The following F13A1 variants were observed in gnomAD, a reference collection of about 807,000 sequenced individuals.
F13A1 encodes coagulation factor XIII A chain.
In F13A1, 47 loss-of-function variants were observed where a neutral mutation model predicts 80.1. The observed-to-expected ratio is 0.59, with a 90% CI of 0.46 to 0.75. The LOEUF is 0.75. F13A1 is among the 30% of genes least tolerant of loss of function. The probability of loss-of-function intolerance (pLI) is 0.00; values close to 1 mark genes in which losing one functional copy is unlikely to be tolerated. For missense variants in F13A1, 817 were observed against 930.4 expected (o/e 0.88, Z 1.59); for synonymous variants, 349 against 344.9 (o/e 1.01, Z -0.13).
chr6:6,155,744 A>T (rs1760463175), intron 13 of F13A1, among the ~76,000 whole-genome samples: 1 of 152,160 alleles, frequency 6.6e-6, no homozygotes, highest in Non-Finnish European at 1.5e-5. Context: ...TTTTCACGTT[A>T]TGTGTTGATT....
intron 12 of F13A1, among the ~76,000 whole-genome samples, chr6:6,171,429 C>T (rs1250604360): frequency 6.6e-6 from 1 of 152,176 alleles, no homozygotes; most frequent in African/African-American, 2.4e-5. Flanking sequence ...CATTTGGCTT[C>T]CTCCATACCT....
chr6:6,162,000 G>A (rs980587804), intron 13 of F13A1, among the ~76,000 whole-genome samples: 3 of 152,108 alleles, frequency 2.0e-5, no homozygotes, highest in Non-Finnish European at 4.4e-5. Context: ...GGAAACTCCA[G>A]TTCCAAGGCT....
At chr6:6,285,536 A>C (rs1420784333) in intron 3 of F13A1, among the ~76,000 whole-genome samples, 1 of 152,220 alleles carries the variant, frequency 6.6e-6, no homozygotes, top group Non-Finnish European at 1.5e-5. Flanking sequence ...CAGCTTCCTG[A>C]AGGCTAAAGA....
Position 6,270,036 on chromosome 6 carries a change from A to G in F13A1, c.320-3227T>C, listed in dbSNP as rs139046259. 7.0e-3 allele frequency among the ~76,000 whole-genome samples: 1,059 copies of G among 152,204 alleles called. 12 individuals are homozygous for G. Among genetic ancestry groups the G allele is most frequent in the African/African-American group, 0.024 (998 of 41,534 alleles). On this transcript the variant is annotated intron_variant, in intron 3 of 14. Transcript: ENST00000264870. ...CTACCTACTGTTTATATAAAGTTTA[A>G]TTGGAACACAGTTATGTTGATTTGC...
rs535166466 is a variant in F13A1, at chr6:6,257,940, T to A, written c.572-7011A>T. ...ATATCCTCTAAGGGAGCCTGTGCCC[T>A]TGTTGGTATGCTTTAATTTTTTTTC... is the stretch of plus-strand genomic sequence containing the variant. On this transcript the variant is annotated intron_variant, in intron 4 of 14. Transcript: ENST00000264870. Among the ~76,000 whole-genome samples, 3 of 152,344 alleles carry A rather than the reference T, an allele frequency of 2.0e-5. No homozygotes were observed. The East Asian group carries it at 5.8e-4, about 29-fold the overall frequency.
intron 10 of F13A1, among the ~76,000 whole-genome samples, chr6:6,184,015 G>T (rs572992144): frequency 6.6e-6 from 1 of 152,224 alleles, no homozygotes; most frequent in Non-Finnish European, 1.5e-5. Context: ...TTTTAAAGTT[G>T]AGGTTAAAGA....
At chr6:6,247,050 G>A (rs1757562977) in intron 6 of F13A1, among the ~76,000 whole-genome samples, 1 of 152,078 alleles carries the variant, frequency 6.6e-6, no homozygotes, top group Non-Finnish European at 1.5e-5. Flanking sequence ...CCAAATCTTT[G>A]GAATTCATTG....
chr6:6,320,119 G>C (rs1758753168), intron 1 of F13A1, among the ~76,000 whole-genome samples: 1 of 152,174 alleles, frequency 6.6e-6, no homozygotes, highest in South Asian at 2.1e-4. Flanking sequence ...AGGAGGAGAA[G>C]TGGCTCGAGT....
chr6:6,293,496 C>T (rs1269001749), intron 3 of F13A1, among the ~76,000 whole-genome samples: 2 of 151,828 alleles, frequency 1.3e-5, no homozygotes, highest in Non-Finnish European at 2.9e-5. Flanking sequence ...CAGCCACACC[C>T]ACCTCCTCAG....
chr6:6,227,897 T>C (rs73359901), intron 6 of F13A1, among the ~76,000 whole-genome samples: 3,985 of 152,312 alleles, frequency 0.026, 157 homozygotes, highest in African/African-American at 0.091. Context: ...TATTAGCATT[T>C]GGGCAGATTA....
intron 11 of F13A1, among the ~76,000 whole-genome samples, chr6:6,179,917 C>T (rs755502643): frequency 9.2e-5 from 14 of 152,146 alleles, no homozygotes; most frequent in South Asian, 2.1e-4. Context: ...ACTCCTGTTT[C>T]GTGGACTGGG....
intron 14 of F13A1, among the ~76,000 whole-genome samples, chr6:6,151,218 C>T (rs990359029): frequency 1.3e-5 from 2 of 152,030 alleles, no homozygotes; most frequent in Non-Finnish European, 2.9e-5. Context: ...ATTACAGAAC[C>T]TGGGGTTGTC....
intron 6 of F13A1, among the ~76,000 whole-genome samples, chr6:6,230,697 C>T (rs1340779009): frequency 6.6e-6 from 1 of 152,194 alleles, no homozygotes; most frequent in South Asian, 2.1e-4. Context: ...ATTGTACCCC[C>T]TGCCACCTCC....
intron 8 of F13A1, among the ~76,000 whole-genome samples, chr6:6,212,708 G>A (rs146745159): frequency 0.021 from 3,140 of 152,288 alleles, 102 homozygotes; most frequent in African/African-American, 0.07. Context: ...AGAGAAGAAG[G>A]CTTCAGACAA....
In F13A1 at chr6:6,167,508, G is replaced by T. The variant is rs779898586; in HGVS notation, c.1858C>A (p.Leu620Met). 1.2e-6 allele frequency: 2 copies of T among 1,614,056 alleles called. No homozygotes were observed. Among genetic ancestry groups the T allele is most frequent in the Admixed American group, 1.7e-5 (1 of 60,012 alleles). The change falls in exon 13 of 15, where the codon CTG becomes ATG. Residue 620 changes from leucine (L) to methionine (M), a missense_variant. By Grantham distance (15) the Leu-to-Met change is conservative. Coordinates refer to ENST00000264870, the MANE Select transcript of F13A1 (RefSeq NM_000129.4). ...TARINETRDV[L>M]AKQKSTVLTI... ...AGCACGGTGGACTTTTGCTTGGCCAGAACATCCCTGGTCTCATTGATGCGA... is the reference window on the plus strand; with the variant it reads ...AGCACGGTGGACTTTTGCTTGGCCATAACATCCCTGGTCTCATTGATGCGA...
At chr6:6,224,898 C>A (rs1466456736) in intron 6 of F13A1, 38 bp from the exon 7 acceptor site, 2 of 1,612,338 alleles carry the variant, frequency 1.2e-6, no homozygotes, top group Admixed American at 3.3e-5. Flanking sequence ...GAAGAAAGTT[C>A]ATTTAGGTTT....
At chr6:6,166,988 A>G (rs1215057758) in intron 13 of F13A1, among the ~76,000 whole-genome samples, 2 of 152,192 alleles carry the variant, frequency 1.3e-5, no homozygotes, top group Non-Finnish European at 2.9e-5. Flanking sequence ...CACATACAAA[A>G]TCATCATCAA....
intron 6 of F13A1, among the ~76,000 whole-genome samples, chr6:6,234,877 T>A (rs1380157344): frequency 6.6e-6 from 1 of 152,024 alleles, no homozygotes; most frequent in Non-Finnish European, 1.5e-5. Context: ...TTAAATAGAA[T>A]TTGGGTACAA....
At chr6:6,204,194 C>G (rs748955321) in intron 8 of F13A1, among the ~76,000 whole-genome samples, 2 of 152,216 alleles carry the variant, frequency 1.3e-5, no homozygotes, top group Non-Finnish European at 2.9e-5. Context: ...ACTGCTTAAA[C>G]AGTCCACAGG....
Sources: gnomAD v4.1 joint callset for allele counts (sites outside exome capture counted in the v4.1 genomes callset) on GRCh38, gnomAD v4.1.1 for gene constraint, MANE v1.5 for transcripts, NCBI Gene and HGNC (gene_info 2026-07-23, HGNC 2026-07-21) for gene names.